IL1RAPL2: variants seen among roughly 807,000 people sequenced by gnomAD.
IL1RAPL2 encodes the protein interleukin 1 receptor accessory protein like 2, also known as X-linked interleukin-1 receptor accessory protein-like 2.
Under a neutral mutation model 44.1 loss-of-function variants are expected in IL1RAPL2, and 3 were observed. That is an observed-to-expected ratio of 0.07 (90% CI 0.03 to 0.18). The LOEUF is 0.18. Ranked by LOEUF, IL1RAPL2 falls within the 10% of genes least tolerant of loss-of-function variation. IL1RAPL2 has a pLI of 1.00. For synonymous variants in IL1RAPL2, 181 were observed against 178.8 expected (o/e 1.01, Z -0.10); for missense variants, 391 against 496.4 (o/e 0.79, Z 2.02).
chrX:105,175,968 T>C (rs1279824736), intron 2 of IL1RAPL2, among the ~76,000 whole-genome samples: 1 of 111,055 alleles, frequency 9.0e-6, no homozygotes, highest in African/African-American at 3.3e-5. Flanking sequence ...ATTGATGCTG[T>C]AAAGGTGAAA....
At chrX:105,578,652 C>G (rs1270080902) in intron 6 of IL1RAPL2, among the ~76,000 whole-genome samples, 1 of 110,891 alleles carries the variant, frequency 9.0e-6, no homozygotes, top group African/African-American at 3.3e-5. Context: ...CTAATAATTA[C>G]AAAGGGAACA....
chrX:105,453,492 C>A (rs1489401656), intron 5 of IL1RAPL2, among the ~76,000 whole-genome samples: 5 of 111,926 alleles, frequency 4.5e-5, no homozygotes, highest in Non-Finnish European at 9.4e-5. Flanking sequence ...ATTATGAAGT[C>A]AAATCACATG....
intron 3 of IL1RAPL2, among the ~76,000 whole-genome samples, chrX:105,206,019 C>T (rs1850009441): frequency 9.1e-6 from 1 of 110,466 alleles, no homozygotes; most frequent in Admixed American, 9.7e-5. Context: ...GCTGATAGGA[C>T]GTACTGATGT....
At chrX:105,339,490 A>T (rs1311906853) in intron 5 of IL1RAPL2, among the ~76,000 whole-genome samples, 2 of 111,898 alleles carry the variant, frequency 1.8e-5, no homozygotes, top group African/African-American at 6.5e-5. Flanking sequence ...TATATGAAAC[A>T]TATGGGTAGG....
At chrX:105,344,802 T>A (rs940260783) in intron 5 of IL1RAPL2, among the ~76,000 whole-genome samples, 2 of 111,945 alleles carry the variant, frequency 1.8e-5, no homozygotes, top group African/African-American at 6.5e-5. Flanking sequence ...TTATATGCCA[T>A]AAATAGCTCT....
intron 1 of IL1RAPL2, among the ~76,000 whole-genome samples, chrX:104,635,804 C>T (rs140887441): frequency 0.019 from 2,156 of 111,437 alleles, 52 homozygotes; most frequent in African/African-American, 0.065. Context: ...TCCTTTAGCT[C>T]GGAGTAGTTT....
chrX:105,363,303 T>TA lies in IL1RAPL2; in HGVS notation c.697+95763dup, dbSNP rs1338140749. Among the ~76,000 whole-genome samples the TA allele has an allele frequency of 1.5e-3, 119 of 78,547 alleles. 1 individual carries two copies. The highest frequency in any genetic ancestry group is 9.5e-3 in the African/African-American group (110 of 11,536). 68.2% of individuals were successfully genotyped at this position (78,547 alleles called of 115,157 possible). A position where few individuals can be genotyped will look rare whatever the true frequency, so the allele number is the denominator to read the frequency against. On this transcript the variant is annotated intron_variant, in intron 5 of 10. Coordinates refer to ENST00000372582, the MANE Select transcript of IL1RAPL2 (RefSeq NM_017416.2). Reference sequence around the variant, plus strand: ...TATATATATATAATATATATATATATATATAATATATATATATATATATAT... The same window carrying TA: ...TATATATATATAATATATATATATATAATATAATATATATATATATATATAT...
intron 2 of IL1RAPL2, among the ~76,000 whole-genome samples, chrX:104,824,140 A>T (rs1349984913): frequency 8.9e-6 from 1 of 112,099 alleles, no homozygotes; most frequent in Non-Finnish European, 1.9e-5. Context: ...ATCAATTGAG[A>T]TAATCATGTG....
chrX:104,696,384 C>G (rs1269028586), intron 2 of IL1RAPL2, among the ~76,000 whole-genome samples: 1 of 112,008 alleles, frequency 8.9e-6, no homozygotes, highest in Non-Finnish European at 1.9e-5. Flanking sequence ...GCAGCATTGG[C>G]ATCACTTAGG....
At position 104,648,900 on chromosome X, in the gene IL1RAPL2, G is replaced by T. The variant is rs1342653028; in HGVS notation, c.-19-9995G>T. Among the ~76,000 whole-genome samples the T allele has an allele frequency of 4.5e-5, 5 of 111,308 alleles. 1 individual carries two copies. The highest frequency in any genetic ancestry group is 5.7e-4 in the East Asian group (2 of 3,534). ...ACAGAAATCAAAAAGAAACCCTATA[G>T]TTACTTATGCCAGTTTTTTTCTTTA... is the stretch of plus-strand genomic sequence containing the variant. On this transcript the variant is annotated intron_variant, in intron 1 of 10. Transcript: ENST00000372582.
In IL1RAPL2 at chrX:104,615,606, T is replaced by C. The variant is rs748923053; in HGVS notation, c.-19-43289T>C. On this transcript the variant is annotated intron_variant, in intron 1 of 10. Coordinates refer to ENST00000372582, the MANE Select transcript of IL1RAPL2 (RefSeq NM_017416.2). ...TTATTCCATGGTGTACATTACCACA[T>C]TTTCTTTATCCAGTCTATCATTGAT... 7.1e-5 allele frequency among the ~76,000 whole-genome samples: 8 copies of C among 111,950 alleles called. No homozygotes were observed. The East Asian group carries it at 1.7e-3, about 24-fold the overall frequency.
chrX:105,137,235 T>C (rs2269500), intron 2 of IL1RAPL2, among the ~76,000 whole-genome samples: 1 of 112,337 alleles, frequency 8.9e-6, no homozygotes, highest in South Asian at 3.7e-4. Context: ...TTAAATAAGC[T>C]AAAATTAAAT....
intron 3 of IL1RAPL2, chrX:105,219,716 G>T (rs781918561): frequency 5.5e-5 from 66 of 1,205,931 alleles, no homozygotes; most frequent in Non-Finnish European, 7.2e-5. Context: ...GCCAGGCCTG[G>T]CCACCCTGCC....
At chrX:105,601,186 T>TTAAC (rs1174328240) in intron 6 of IL1RAPL2, among the ~76,000 whole-genome samples, 1 of 111,592 alleles carries the variant, frequency 9.0e-6, no homozygotes, top group Non-Finnish European at 1.9e-5. Flanking sequence ...TGCAAATAAT[T>TTAAC]TAACTTACTA....
chrX:105,715,340 G>A (rs1200360156), intron 6 of IL1RAPL2, among the ~76,000 whole-genome samples: 2 of 111,715 alleles, frequency 1.8e-5, no homozygotes, highest in African/African-American at 6.5e-5. Context: ...TAACTCCTTG[G>A]TAAGACTGGT....
chrX:105,033,444 G>C (rs1411945179), intron 2 of IL1RAPL2, among the ~76,000 whole-genome samples: 2 of 111,220 alleles, frequency 1.8e-5, no homozygotes, highest in African/African-American at 6.6e-5. Flanking sequence ...CTCAGCATTT[G>C]CTTCTCTGTA....
chrX:105,009,345 A>G (rs1226383567), intron 2 of IL1RAPL2, among the ~76,000 whole-genome samples: 5 of 110,371 alleles, frequency 4.5e-5, no homozygotes, highest in African/African-American at 6.6e-5. Flanking sequence ...ACTTGGAACC[A>G]ACCCAAATGT....
At chrX:104,607,727 A>G (rs1929047218) in intron 1 of IL1RAPL2, among the ~76,000 whole-genome samples, 1 of 111,969 alleles carries the variant, frequency 8.9e-6, no homozygotes, top group Non-Finnish European at 1.9e-5. Context: ...AGTCAGGAAA[A>G]AAAAGATGCT....
chrX:105,336,827 C>G (rs1382687844), intron 5 of IL1RAPL2, among the ~76,000 whole-genome samples: 8 of 112,060 alleles, frequency 7.1e-5, no homozygotes, highest in Non-Finnish European at 1.5e-4. Context: ...CTCCTTCTTC[C>G]TTATATCATT....
Sources: allele counts gnomAD v4.1 joint callset (sites outside exome capture counted in the v4.1 genomes callset), GRCh38; gene constraint gnomAD v4.1.1; transcripts MANE v1.5; gene names NCBI Gene and HGNC (gene_info 2026-07-23, HGNC 2026-07-21).